The following CA10 variants were observed in gnomAD, a reference collection of about 807,000 sequenced individuals.
CA10 encodes the protein carbonic anhydrase 10 (inactive).
CA10 carries 14 observed loss-of-function variants against 44.2 expected under a neutral mutation model. That is an observed-to-expected ratio of 0.32 (90% confidence interval 0.21 to 0.50). CA10 has a LOEUF of 0.50. CA10 is among the 20% of genes least tolerant of loss of function. CA10 has a pLI of 0.99. For synonymous variants in CA10, 159 were observed against 141.6 expected, an observed-to-expected ratio of 1.12 and a Z score of -0.87; for missense variants, 350 against 409.7, an observed-to-expected ratio of 0.85 and a Z score of 1.26.
rs79832739 is a variant in CA10 at position 52,018,552 on chromosome 17, T to C, written c.136+53767A>G. Among the ~76,000 whole-genome samples the C allele has an allele frequency of 6.3e-3, 964 of 152,220 alleles. 10 individuals carry two copies. The highest frequency in any genetic ancestry group is 0.02 in the African/African-American group (818 of 41,564). ...TTTGGCCAATTTATCCCTTTTGAAA[T>C]AGAAATGTTTACTCAATGCCTGTAC... On this transcript the variant is annotated intron_variant, in intron 2 of 8. Coordinates refer to ENST00000451037, the MANE Select transcript of CA10 (RefSeq NM_020178.5).
At chr17:51,961,045 T>C (rs750888175) in intron 2 of CA10, among the ~76,000 whole-genome samples, 4 of 152,210 alleles carry the variant, frequency 2.6e-5, no homozygotes, top group African/African-American at 4.8e-5. Flanking sequence ...ATTCTAACTA[T>C]AGATTGCAGC....
chr17:52,019,727 C>A (rs1005049418), intron 2 of CA10, among the ~76,000 whole-genome samples: 4 of 151,974 alleles, frequency 2.6e-5, no homozygotes, highest in African/African-American at 9.7e-5. Flanking sequence ...CCAGAAGCCC[C>A]AGATCAAAGT....
chr17:51,696,899 G>A (rs1915421562), intron 4 of CA10, among the ~76,000 whole-genome samples: 2 of 152,262 alleles, frequency 1.3e-5, no homozygotes, highest in South Asian at 4.1e-4. Flanking sequence ...TGATGCAACT[G>A]TATTCTTCTG....
chr17:51,696,882 A>G (rs936885501), intron 4 of CA10, among the ~76,000 whole-genome samples: 2 of 152,170 alleles, frequency 1.3e-5, no homozygotes, highest in Non-Finnish European at 2.9e-5. Context: ...TCAAACTAAA[A>G]CGAGTTTGAT....
chr17:51,926,451 G>A (rs1361044998), intron 3 of CA10, among the ~76,000 whole-genome samples: 1 of 152,108 alleles, frequency 6.6e-6, no homozygotes, highest in Non-Finnish European at 1.5e-5. Flanking sequence ...TTTTGGCACT[G>A]CAACAAATTA....
chr17:51,851,231 G>A (rs1178535761), intron 3 of CA10, among the ~76,000 whole-genome samples: 1 of 152,204 alleles, frequency 6.6e-6, no homozygotes, highest in African/African-American at 2.4e-5. Flanking sequence ...GGCTGGACAA[G>A]CTTCATAGGC....
chr17:51,683,554 A>G (rs1240506001), intron 4 of CA10, among the ~76,000 whole-genome samples: 14 of 152,206 alleles, frequency 9.2e-5, no homozygotes, highest in East Asian at 3.9e-4. Flanking sequence ...TGATACCCCA[A>G]TTATCTGTGT....
chr17:51,893,307 G>A (rs1980939478), intron 3 of CA10, among the ~76,000 whole-genome samples: 1 of 152,138 alleles, frequency 6.6e-6, no homozygotes, highest in Non-Finnish European at 1.5e-5. Context: ...CAGGGTTATA[G>A]TAAAGGGCAA....
chr17:51,888,975 C>T (rs933355652), intron 3 of CA10, among the ~76,000 whole-genome samples: 2 of 152,148 alleles, frequency 1.3e-5, no homozygotes, highest in Non-Finnish European at 2.9e-5. Context: ...TAAGATGGCT[C>T]ACTTTCAAGG....
At chr17:52,108,950 A>C (rs1267863718) in intron 1 of CA10, among the ~76,000 whole-genome samples, 1 of 152,164 alleles carries the variant, frequency 6.6e-6, no homozygotes, top group African/African-American at 2.4e-5. Flanking sequence ...TTTTAAAAAA[A>C]AGTGAAAAAC....
intron 4 of CA10, among the ~76,000 whole-genome samples, chr17:51,700,153 A>G (rs1263962): frequency 0.48 from 72,245 of 151,990 alleles, 17,806 homozygotes; most frequent in African/African-American, 0.6. Context: ...ATAGGAGAGC[A>G]TCCTTGGAGA....
intron 3 of CA10, chr17:51,761,784 G>T (rs1481078512): frequency 6.6e-6 from 1 of 152,148 alleles, no homozygotes; most frequent in Admixed American, 6.5e-5. Flanking sequence ...AAGGCGTAGG[G>T]TCCTAAACTG....
At chr17:51,978,415 T>G (rs1233979430) in intron 2 of CA10, among the ~76,000 whole-genome samples, 10 of 151,504 alleles carry the variant, frequency 6.6e-5, no homozygotes, top group Non-Finnish European at 1.3e-4. Context: ...TGTGTGTGTC[T>G]GTGTGTATGC....
At chr17:51,635,211 C>T (rs1912772373) in intron 7 of CA10, among the ~76,000 whole-genome samples, 1 of 152,072 alleles carries the variant, frequency 6.6e-6, no homozygotes, top group Admixed American at 6.6e-5. Flanking sequence ...GGGAGAACAC[C>T]TTATAAAGAT....
intron 4 of CA10, among the ~76,000 whole-genome samples, chr17:51,671,152 G>A (rs1225682963): frequency 1.3e-5 from 2 of 152,036 alleles, no homozygotes; most frequent in Non-Finnish European, 2.9e-5. Flanking sequence ...GCTACCCCAG[G>A]CACAGCACTA....
chr17:52,006,149 A>C (rs1312054023), intron 2 of CA10, among the ~76,000 whole-genome samples: 1 of 151,782 alleles, frequency 6.6e-6, no homozygotes, highest in African/African-American at 2.4e-5. Context: ...CTGTACAAGG[A>C]AGTAGCACCT....
chr17:51,719,964 G>A (rs1427137272), intron 4 of CA10, among the ~76,000 whole-genome samples: 1 of 152,216 alleles, frequency 6.6e-6, no homozygotes, highest in Non-Finnish European at 1.5e-5. Context: ...ATAGGCTGGA[G>A]TTTGGTGCTC....
chr17:51,992,200 T>C lies in CA10; in HGVS notation c.137-61068A>G, dbSNP rs545996109. On this transcript the variant is annotated intron_variant, in intron 2 of 8. Transcript: ENST00000451037. ...CCTGTTGTGTCCATAAGTTTCATTTTTGCTTTACTATAAAAAAAAGGAGTT... is the reference window on the plus strand; with the variant it reads ...CCTGTTGTGTCCATAAGTTTCATTTCTGCTTTACTATAAAAAAAAGGAGTT... Among the ~76,000 whole-genome samples the C allele has an allele frequency of 2.6e-5, 4 of 152,256 alleles. No homozygotes were observed. The South Asian group carries it at 6.2e-4, about 24-fold the overall frequency.
chr17:51,839,844 A>G (rs1978304768), intron 3 of CA10, among the ~76,000 whole-genome samples: 1 of 152,240 alleles, frequency 6.6e-6, no homozygotes. Context: ...AATCAGCAAC[A>G]CACTGCTAGT....
Sources: gnomAD v4.1 joint callset for allele counts (sites outside exome capture counted in the v4.1 genomes callset) on GRCh38, gnomAD v4.1.1 for gene constraint, MANE v1.5 for transcripts, NCBI Gene and HGNC (gene_info 2026-07-23, HGNC 2026-07-21) for gene names.